Variants in CEP152 observed in about 807,000 individuals in gnomAD.
CEP152 encodes the protein centrosomal protein 152.
Under a neutral mutation model 188.9 loss-of-function variants are expected in CEP152, and 132 were observed. The ratio of observed to expected loss-of-function variants is 0.70; its 90% CI spans 0.61 to 0.81. The LOEUF is 0.81. Ranked by LOEUF, CEP152 falls within the 30% of genes least tolerant of loss-of-function variation. CEP152 has a pLI of 0.00. For missense variants in CEP152, 1,914 were observed against 1,969.8 expected (o/e 0.97, Z 0.54); for synonymous variants, 649 against 666.6 (o/e 0.97, Z 0.41).
chr15:48,741,308 T>A, intron 26 of CEP152: 3 of 1,197,754 alleles, frequency 2.5e-6, no homozygotes, highest in Non-Finnish European at 3.1e-6. Context: ...TGCAACTTTT[T>A]AAAACCCACT....
chr15:48,765,133 A>T (rs1894966170), intron 17 of CEP152, among the ~76,000 whole-genome samples: 1 of 152,198 alleles, frequency 6.6e-6, no homozygotes, highest in African/African-American at 2.4e-5. Flanking sequence ...AAAACTAATG[A>T]ATTCCCAGAG....
chr15:48,732,114 A>C (rs142319163), intron 2 of CEP152, among the ~76,000 whole-genome samples: 1 of 152,354 alleles, frequency 6.6e-6, no homozygotes, highest in African/African-American at 2.4e-5. Flanking sequence ...CCATTGTGGA[A>C]GACAGTATGG....
chr15:48,756,478 C>T lies in CEP152; in HGVS notation c.2770G>A (p.Gly924Arg). Residue 924 changes from glycine (G) to arginine (R), a missense_variant, in exon 20 of 27, where the codon GGA (glycine) becomes AGA (arginine). By Grantham distance (125) the Gly-to-Arg change is moderately radical (BLOSUM62 -2). Transcript: ENST00000380950. ...TGAATCTTCTCTTCCAATTCCTTTC[C>T]AGGAAGTATATTTTTCCTCATATTT... ...LENMRKNILP[G>R]KELEEKIHSL... is the part of the protein sequence containing the mutation. 1 of 1,613,102 alleles carries T rather than the reference C, an allele frequency of 6.2e-7. No individual in the cohort carries two copies. Among genetic ancestry groups the T allele is most frequent in the Non-Finnish European group, 8.5e-7 (1 of 1,179,882 alleles).
At chr15:48,777,298 G>A (rs1244078661) in intron 12 of CEP152, among the ~76,000 whole-genome samples, 1 of 151,994 alleles carries the variant, frequency 6.6e-6, no homozygotes, top group Non-Finnish European at 1.5e-5. Context: ...AAAAATGGGT[G>A]CAGCATATCG....
intron 13 of CEP152, among the ~76,000 whole-genome samples, chr15:48,771,140 TA>T (rs1038555279): frequency 1.3e-5 from 2 of 151,660 alleles, no homozygotes; most frequent in African/African-American, 4.8e-5. Context: ...TATGGAAGGG[TA>T]AAAAAAAGGA....
intron 17 of CEP152, among the ~76,000 whole-genome samples, chr15:48,765,069 T>C (rs1894962122): frequency 6.6e-6 from 1 of 152,074 alleles, no homozygotes; most frequent in African/African-American, 2.4e-5. Context: ...AATATAAAGA[T>C]GTTTCAGTTC....
chr15:48,752,281 C>T, intron 21 of CEP152, 68 bp downstream of exon 21: 2 of 1,613,124 alleles, frequency 1.2e-6, no homozygotes, highest in East Asian at 2.2e-5. Context: ...TCCTTTTATC[C>T]TCAAAGCAAC....
chr15:48,798,245 G>T (rs1373444357), intron 2 of CEP152, among the ~76,000 whole-genome samples, 194 bp from the exon 3 acceptor site: 1 of 149,300 alleles, frequency 6.7e-6, no homozygotes. Context: ...ATAATTTTAG[G>T]ATTTATATCA....
chr15:48,793,571 A>G (rs1897117921), intron 6 of CEP152, 110 bp from the exon 7 acceptor site: 1 of 922,278 alleles, frequency 1.1e-6, no homozygotes, highest in Non-Finnish European at 1.7e-6. Context: ...AGCATCATGA[A>G]ATCAATTCAG....
chr15:48,782,750 G>A (rs1896339268), intron 10 of CEP152, among the ~76,000 whole-genome samples: 1 of 152,152 alleles, frequency 6.6e-6, no homozygotes, highest in African/African-American at 2.4e-5. Context: ...AGGTGGTGGG[G>A]GGACTGTTCC....
intron 9 of CEP152, among the ~76,000 whole-genome samples, chr15:48,786,616 T>C (rs956556067): frequency 1.3e-5 from 2 of 152,112 alleles, no homozygotes; most frequent in African/African-American, 2.4e-5. Context: ...CGCTTTGGAA[T>C]CACCACTTTG....
At chr15:48,765,622 T>G (rs995801776) in intron 17 of CEP152, 1 of 419,922 alleles carries the variant, frequency 2.4e-6, no homozygotes, top group Non-Finnish European at 4.6e-6. Flanking sequence ...AAAATTCCTC[T>G]TATGTTCTTG....
At chr15:48,795,939 A>G in intron 6 of CEP152, 71 bp downstream of exon 6, 2 of 1,359,392 alleles carry the variant, frequency 1.5e-6, no homozygotes, top group Non-Finnish European at 2.1e-6. Context: ...GAATGTGCTC[A>G]AATATTCATT....
chr15:48,741,847 T>A, intron 25 of CEP152, 100 bp downstream of exon 25: 1 of 1,610,918 alleles, frequency 6.2e-7, no homozygotes, highest in Non-Finnish European at 8.5e-7. Context: ...CTATGGCTGA[T>A]CATGTAGAAA....
At chr15:48,799,431 A>G (rs1004640053) in intron 2 of CEP152, among the ~76,000 whole-genome samples, 1 of 152,168 alleles carries the variant, frequency 6.6e-6, no homozygotes, top group Non-Finnish European at 1.5e-5. Flanking sequence ...GGTGGGTGGG[A>G]ATACTTCCTC....
chr15:48,729,832 A>G (rs1428733599), intron 2 of CEP152: 1 of 152,112 alleles, frequency 6.6e-6, no homozygotes, highest in African/African-American at 2.4e-5. Context: ...CAGGGTATAT[A>G]GGTGTTTATT....
intron 8 of CEP152, chr15:48,789,309 G>A (rs1323102446): frequency 9.3e-6 from 4 of 429,166 alleles, no homozygotes; most frequent in South Asian, 4.5e-5. Flanking sequence ...TGCTGATGCC[G>A]TGATGGCCCC....
At chr15:48,767,608 ATAAT>A in intron 15 of CEP152, 145 bp from the exon 16 acceptor site, 1 of 1,028,654 alleles carries the variant, frequency 9.7e-7, no homozygotes, top group Non-Finnish European at 1.5e-6. Flanking sequence ...GAAAGTGGTA[ATAAT>A]TAATTAATAA....
At position 48,738,681 on chromosome 15, in the gene CEP152, G is replaced by A; in HGVS notation, c.4701C>T (p.Asp1567=). The A allele has an allele frequency of 6.2e-7, 1 of 1,614,132 alleles. No individual in the cohort carries two copies. Residue 1567 remains aspartate (D), a synonymous_variant, in exon 27 of 27, where the codon GAC becomes GAT. Coordinates refer to ENST00000380950, the MANE Select transcript of CEP152 (RefSeq NM_001194998.2). ...AAGGCCAGCCCAAGCAGTCACTAAG[G>A]TCCCCTCCATCTTTTACTGGAGGTT... is the stretch of plus-strand genomic sequence containing the variant. ...VQEPPVKDGG[D]LSDCLGWPSS...
Sources: gnomAD v4.1 joint callset for allele counts (sites outside exome capture counted in the v4.1 genomes callset) on GRCh38, gnomAD v4.1.1 for gene constraint, MANE v1.5 for transcripts, NCBI Gene and HGNC (gene_info 2026-07-23, HGNC 2026-07-21) for gene names.